The following IL36B variants were observed in gnomAD, a reference collection of about 807,000 sequenced individuals.
The protein encoded by IL36B is interleukin 36 beta.
IL36B carries 23 observed loss-of-function variants against 19.3 expected under a neutral mutation model. The observed-to-expected ratio is 1.19, with a 90% CI of 0.86 to 1.69. The LOEUF (loss-of-function observed/expected upper bound fraction) is 1.69. IL36B is among the 40% of genes most tolerant of loss of function. The pLI, the probability that IL36B is intolerant of heterozygous loss-of-function variation, is 0.00. For missense variants in IL36B, 217 were observed against 200.5 expected (o/e 1.08, Z -0.50); for synonymous variants, 59 against 59.7 (o/e 0.99, Z 0.05).
chr2:113,046,482 A>T (rs1467822203), intron 1 of IL36B, among the ~76,000 whole-genome samples: 1 of 152,176 alleles, frequency 6.6e-6, no homozygotes, highest in African/African-American at 2.4e-5. Flanking sequence ...TGTTGGGATT[A>T]CAGGCGTGAG....
intron 1 of IL36B, among the ~76,000 whole-genome samples, chr2:113,043,285 TAA>T (rs1013252713): frequency 6.6e-6 from 1 of 152,202 alleles, no homozygotes; most frequent in Non-Finnish European, 1.5e-5. Flanking sequence ...TTGTTTTTAA[TAA>T]AGTCAAATTT....
chr2:113,032,350 T>C (rs2105045475), intron 1 of IL36B, among the ~76,000 whole-genome samples: 1 of 152,290 alleles, frequency 6.6e-6, no homozygotes, highest in Middle Eastern at 3.4e-3. Flanking sequence ...CAAGGTGCTT[T>C]GACTATTAGG....
At chr2:113,051,159 G>A (rs376669708) in intron 1 of IL36B, among the ~76,000 whole-genome samples, 64 of 152,312 alleles carry the variant, frequency 4.2e-4, no homozygotes, top group African/African-American at 1.2e-3. Flanking sequence ...AGGCCCCGCC[G>A]GAGGGGCCAG....
At chr2:113,046,947 TGA>T in intron 1 of IL36B, among the ~76,000 whole-genome samples, 1 of 152,334 alleles carries the variant, frequency 6.6e-6, no homozygotes, top group South Asian at 2.1e-4. Flanking sequence ...TGTAATTTCT[TGA>T]GAGTTGGATA....
intron 3 of IL36B, among the ~76,000 whole-genome samples, chr2:113,030,230 TA>T (rs539841856): frequency 0.02 from 2,792 of 142,784 alleles, 29 homozygotes; most frequent in Non-Finnish European, 0.03. Context: ...AGACTCCGTT[TA>T]AAAAAAAAAA....
intron 3 of IL36B, among the ~76,000 whole-genome samples, chr2:113,030,184 A>G (rs937763392): frequency 6.6e-6 from 1 of 152,028 alleles, no homozygotes; most frequent in African/African-American, 2.4e-5. Flanking sequence ...GAGAGCTGAG[A>G]TCGTGCCATT....
chr2:113,051,804 G>T (rs1685451528), intron 1 of IL36B, among the ~76,000 whole-genome samples: 1 of 152,162 alleles, frequency 6.6e-6, no homozygotes, highest in Admixed American at 6.5e-5. Context: ...ACTCCAGGAA[G>T]GACTTTCACG....
intron 1 of IL36B, among the ~76,000 whole-genome samples, chr2:113,044,174 G>A (rs1685306362): frequency 6.6e-6 from 1 of 152,088 alleles, no homozygotes; most frequent in African/African-American, 2.4e-5. Context: ...CAGTGTGTCA[G>A]TGTACTGTTA....
intron 1 of IL36B, 105 bp from the exon 2 acceptor site, chr2:113,031,871 C>G: frequency 1.6e-6 from 1 of 618,192 alleles, no homozygotes. Context: ...AGAGAGCTGC[C>G]CTGAGAGCCT....
chr2:113,044,084 C>A (rs1172792214), intron 1 of IL36B, among the ~76,000 whole-genome samples: 1 of 152,076 alleles, frequency 6.6e-6, no homozygotes. Flanking sequence ...ATATTGAATC[C>A]TCTGACCCTT....
chr2:113,037,515 G>T (rs1414419727), intron 1 of IL36B, among the ~76,000 whole-genome samples: 1 of 152,144 alleles, frequency 6.6e-6, no homozygotes, highest in African/African-American at 2.4e-5. Flanking sequence ...CAGGCGTGGT[G>T]GCACATGCTT....
intron 4 of IL36B, chr2:113,027,794 A>G: frequency 1.3e-6 from 2 of 1,506,950 alleles, no homozygotes; most frequent in Non-Finnish European, 8.9e-7. Context: ...GAGGTAAGCT[A>G]TGGATGGGCT....
chr2:113,046,464 C>T (rs905564924), intron 1 of IL36B, among the ~76,000 whole-genome samples: 4 of 152,044 alleles, frequency 2.6e-5, no homozygotes, highest in African/African-American at 4.8e-5. Flanking sequence ...CCACCTCGGC[C>T]CCCAAAGTGT....
rs981355492 is a variant in IL36B at position 113,026,377 on chromosome 2, G to A, written c.262-145C>T. The A allele has an allele frequency of 2.0e-4, 271 of 1,339,512 alleles. 4 individuals are homozygous for A. In the South Asian group the frequency reaches 3.4e-3, roughly 17 times the overall value. The allele number at this position is 1,339,512 out of a possible 1,614,324, so 83.0% of individuals were successfully genotyped here. ...TTCAGGAGTATCCCAAAGAGAATGC[G>A]GGGCACTGAAGCAATAAGAGATAAT... On this transcript the variant is annotated intron_variant, in intron 4 of 5. Transcript: ENST00000259213.
At chr2:113,051,545 G>A (rs36062386) in intron 1 of IL36B, among the ~76,000 whole-genome samples, 3,575 of 152,286 alleles carry the variant, frequency 0.023, 62 homozygotes, top group Middle Eastern at 0.044. Context: ...AGGGTGCCAC[G>A]GGGCTGAGGG....
chr2:113,034,276 C>T (rs1045491894), intron 1 of IL36B, among the ~76,000 whole-genome samples: 1 of 152,140 alleles, frequency 6.6e-6, no homozygotes, highest in African/African-American at 2.4e-5. Context: ...TTTTCCTGTT[C>T]CTCTGAAGGA....
At chr2:113,024,927 C>T (rs1354203476) in intron 5 of IL36B, among the ~76,000 whole-genome samples, 1 of 152,162 alleles carries the variant, frequency 6.6e-6, no homozygotes, top group Non-Finnish European at 1.5e-5. Flanking sequence ...ATCCTTGAGG[C>T]CATTTGTGCT....
intron 1 of IL36B, 120 bp from the exon 2 acceptor site, chr2:113,031,886 T>G (rs1444130502): frequency 1.7e-6 from 1 of 585,026 alleles, no homozygotes; most frequent in East Asian, 2.9e-5. Context: ...GAGCCTCTCC[T>G]AGATGCATAT....
chr2:113,046,431 G>A (rs370811370), intron 1 of IL36B, among the ~76,000 whole-genome samples: 6 of 152,140 alleles, frequency 3.9e-5, no homozygotes, highest in African/African-American at 7.2e-5. Flanking sequence ...GTATGGTCTC[G>A]ATCTCCTGAC....
Sources: gnomAD v4.1 joint callset for allele counts (sites outside exome capture counted in the v4.1 genomes callset) on GRCh38, gnomAD v4.1.1 for gene constraint, MANE v1.5 for transcripts, NCBI Gene and HGNC (gene_info 2026-07-23, HGNC 2026-07-21) for gene names.